C11orf71: variants seen among roughly 807,000 people sequenced by gnomAD.
C11orf71 encodes uncharacterized protein C11orf71.
For missense variants in C11orf71, 179 were observed against 167.6 expected (o/e 1.07, Z -0.38); for synonymous variants, 72 against 73.4 (o/e 0.98, Z 0.09).
chr11:114,399,868 A>T lies in C11orf71; in HGVS notation c.*92T>A, dbSNP rs2135344882. 1 of 1,444,358 alleles carries T rather than the reference A, an allele frequency of 6.9e-7. No individual in the cohort carries two copies. Among genetic ancestry groups the T allele is most frequent in the African/African-American group, 1.4e-5 (1 of 70,310 alleles). The allele number at this position is 1,444,358 out of a possible 1,614,324, so 89.5% of individuals were successfully genotyped here. A position where few individuals can be genotyped will look rare whatever the true frequency, so the allele number is the denominator to read the frequency against. Reference sequence around the variant, plus strand: ...TATTAAATGAAAATACATCCATCTAAAAATAAAACAACACGATTGCTGCTA... The same window carrying T: ...TATTAAATGAAAATACATCCATCTATAAATAAAACAACACGATTGCTGCTA... On this transcript the variant is annotated 3_prime_UTR_variant, in exon 1 of 1. Coordinates refer to ENST00000623205, the MANE Select transcript of C11orf71 (RefSeq NM_001271562.2).
At position 114,400,035 on chromosome 11, in the gene C11orf71, G is replaced by T. The variant is rs1368565284; in HGVS notation, c.297C>A (p.Pro99=). The change falls in exon 1 of 1, where the codon CCC becomes CCA. Residue 99 remains proline, a synonymous_variant. Coordinates refer to ENST00000623205, the MANE Select transcript of C11orf71 (RefSeq NM_001271562.2). Reference sequence around the variant, plus strand: ...GTTGCAGCACACTTCTTAGGAGATCGGGTTCAACGGCAGGGATTGGGTAAG... The same window carrying T: ...GTTGCAGCACACTTCTTAGGAGATCTGGTTCAACGGCAGGGATTGGGTAAG... ...FSPYPIPAVE[P]DLLRSVLQQR... 3 of 1,614,028 alleles carry T rather than the reference G, an allele frequency of 1.9e-6. No individual in the cohort carries two copies. Among genetic ancestry groups the T allele is most frequent in the Non-Finnish European group, 2.5e-6 (3 of 1,179,892 alleles).
chr11:114,391,908 C>T (rs895617164), intron 1 of C11orf71, among the ~76,000 whole-genome samples: 3 of 147,592 alleles, frequency 2.0e-5, no homozygotes, highest in Non-Finnish European at 3.0e-5. Flanking sequence ...GTAGTTAAAG[C>T]TGTTTTTTTT....
At chr11:114,392,075 A>G (rs1241203884) in intron 1 of C11orf71, among the ~76,000 whole-genome samples, 1 of 152,124 alleles carries the variant, frequency 6.6e-6, no homozygotes, top group African/African-American at 2.4e-5. Context: ...GTATACAGGT[A>G]TTGGTTGCAT....
At chr11:114,394,197 T>C (rs1946098137), downstream of C11orf71, among the ~76,000 whole-genome samples, 1 of 42,436 alleles carries the variant, frequency 2.4e-5, no homozygotes, top group Non-Finnish European at 4.3e-5. Context: ...TCTTTTCTTT[T>C]CTTTTCTTTT....
rs779823587 is a variant in C11orf71 at position 114,400,156 on chromosome 11, G to T, written c.176C>A (p.Pro59Gln). The T allele has an allele frequency of 4.3e-6, 7 of 1,613,744 alleles. No homozygotes were observed. The South Asian group carries it at 5.5e-5, about 13-fold the overall frequency. Residue 59 changes from proline (P) to glutamine (Q), a missense_variant, in exon 1 of 1, where the codon CCA (proline) becomes CAA (glutamine). By Grantham distance (76) the Pro-to-Gln change is moderately conservative (BLOSUM62 -1). Transcript: ENST00000623205. ...TCGACGGCTCTCGGCCCGAACGCTTGGTCGCACCGCCTGCCGAGGTCCTAG... is the reference window on the plus strand; with the variant it reads ...TCGACGGCTCTCGGCCCGAACGCTTTGTCGCACCGCCTGCCGAGGTCCTAG... ...IHLGPRQAVR[P>Q]SVRAESRRVD... is the part of the protein sequence containing the mutation.
intron 1 of C11orf71, among the ~76,000 whole-genome samples, chr11:114,392,547 A>AAAAAG (rs1555023952): frequency 3.5e-4 from 51 of 145,182 alleles, no homozygotes; most frequent in Non-Finnish European, 4.7e-4. Context: ...AAAAAAAAAA[A>AAAAAG]AAAGAAGAAG....
exon 2 of C11orf71, chr11:114,391,604 T>C: frequency 1.3e-6 from 2 of 1,540,046 alleles, no homozygotes; most frequent in East Asian, 2.5e-5. Flanking sequence ...AATGGCTGCA[T>C]GTTGAACACC....
intron 1 of C11orf71, among the ~76,000 whole-genome samples, chr11:114,393,198 A>C (rs1946086252): frequency 6.6e-6 from 1 of 152,240 alleles, no homozygotes; most frequent in Non-Finnish European, 1.5e-5. Flanking sequence ...TTTGAACACC[A>C]GCATCTCAAG....
chr11:114,400,122 A>ACCAT lies in C11orf71; in HGVS notation c.206_209dup (p.Gly71TrpfsTer29), dbSNP rs747697120. On this transcript the variant is annotated frameshift_variant, in exon 1 of 1. Transcript: ENST00000623205. LOFTEE classifies it low-confidence loss of function (END_TRUNC). ...CTGGTTCCCTTGGGCTCCGGCCGCC[A>ACCAT]CCATCCACTCGACGGCTCTCGGCCC... is the stretch of plus-strand genomic sequence containing the variant. 1.1e-5 allele frequency: 17 copies of ACCAT among 1,609,020 alleles called. No individual in the cohort carries two copies. The highest frequency in any genetic ancestry group is 1.3e-5 in the Non-Finnish European group (15 of 1,178,510).
intron 1 of C11orf71, among the ~76,000 whole-genome samples, chr11:114,392,440 A>G (rs1794440784): frequency 7.1e-6 from 1 of 141,774 alleles, no homozygotes; most frequent in African/African-American, 2.6e-5. Context: ...GAGGAGGCTG[A>G]GGCAGGAGAA....
chr11:114,396,588 AAAGAT>A (rs2135341858), downstream of C11orf71, among the ~76,000 whole-genome samples: 1 of 152,348 alleles, frequency 6.6e-6, no homozygotes, highest in East Asian at 1.9e-4. Flanking sequence ...GTGATTACAA[AAAGAT>A]AACATAAATA....
chr11:114,394,924 C>A (rs1210769263), downstream of C11orf71, among the ~76,000 whole-genome samples: 2 of 150,336 alleles, frequency 1.3e-5, no homozygotes, highest in African/African-American at 4.9e-5. Flanking sequence ...TACCTTGTTA[C>A]TCTTATTTGC....
chr11:114,399,550 G>C lies in C11orf71; in HGVS notation c.*410C>G, dbSNP rs1946161421. The C allele has an allele frequency of 6.1e-6, 1 of 164,982 alleles. No individual in the cohort carries two copies. Among genetic ancestry groups the C allele is most frequent in the African/African-American group, 2.4e-5 (1 of 41,746 alleles). The allele number at this position is 164,982 out of a possible 1,614,324, so 10.2% of individuals were successfully genotyped here. A position where few individuals can be genotyped will look rare whatever the true frequency, so the allele number is the denominator to read the frequency against. On this transcript the variant is annotated 3_prime_UTR_variant, in exon 1 of 1. Transcript: ENST00000623205. ...GTAGACATATCTGAAAAAAGTGAAG[G>C]GGGAGATGGAAGATGGTAAATGCCA... is the stretch of plus-strand genomic sequence containing the variant.
At chr11:114,396,899 C>T (rs1011952729), downstream of C11orf71, among the ~76,000 whole-genome samples, 2 of 152,236 alleles carry the variant, frequency 1.3e-5, no homozygotes, top group African/African-American at 4.8e-5. Flanking sequence ...CCTTCCAAGT[C>T]AGCCCTCTTA....
In C11orf71 at chr11:114,399,138, A is replaced by C. The variant is rs1212795907; in HGVS notation, c.*822T>G. 2 of 151,808 alleles carry C rather than the reference A, an allele frequency of 1.3e-5. No individual in the cohort carries two copies. The highest frequency in any genetic ancestry group is 2.9e-5 in the Non-Finnish European group (2 of 68,004). The allele number at this position is 151,808 out of a possible 1,614,324, so 9.4% of individuals were successfully genotyped here. A position where few individuals can be genotyped will look rare whatever the true frequency, so the allele number is the denominator to read the frequency against. ...CAGCCCAGCGTGGTGATTCCTATTC[A>C]CTTAGTAGCCTCCCCATCTAGAATA... is the stretch of plus-strand genomic sequence containing the variant. On this transcript the variant is annotated 3_prime_UTR_variant, in exon 1 of 1. Transcript: ENST00000623205.
rs1351346908 is a variant in C11orf71, at chr11:114,399,053, A to G, written c.*907T>C. On this transcript the variant is annotated 3_prime_UTR_variant, in exon 1 of 1. Transcript: ENST00000623205. ...ACCAGGATAGTGCAGTATTATGATG[A>G]AAAAAAAAAAAAAAAAGTCACTGCA... 1.2e-4 allele frequency: 4 copies of G among 34,074 alleles called. No individual in the cohort carries two copies. Among genetic ancestry groups the G allele is most frequent in the Non-Finnish European group, 2.3e-4 (4 of 17,080 alleles). The allele number at this position is 34,074 out of a possible 1,614,324, so 2.1% of individuals were successfully genotyped here. A position where few individuals can be genotyped will look rare whatever the true frequency, so the allele number is the denominator to read the frequency against.
In C11orf71 at chr11:114,399,668, CGAATGGATTGTT is replaced by C; in HGVS notation, c.*280_*291del. 2.9e-6 allele frequency: 1 copy of C among 349,844 alleles called. No individual in the cohort carries two copies. Among genetic ancestry groups the C allele is most frequent in the Admixed American group, 4.3e-5 (1 of 23,194 alleles). The allele number at this position is 349,844 out of a possible 1,614,324, so 21.7% of individuals were successfully genotyped here. On this transcript the variant is annotated 3_prime_UTR_variant, in exon 1 of 1. Transcript: ENST00000623205. ...GGTAAAGGTTAAGTGTCTGAGTTAACGAATGGATTGTTGACCTCTGGGGAGGGTGCTCCCATC... is the reference window on the plus strand; with the variant it reads ...GGTAAAGGTTAAGTGTCTGAGTTAACGACCTCTGGGGAGGGTGCTCCCATC...
rs1946145166 is a variant in C11orf71 at position 114,398,576 on chromosome 11, G to A, written c.*1384C>T. The A allele has an allele frequency of 6.6e-6, 1 of 152,198 alleles. No homozygotes were observed. The highest frequency in any genetic ancestry group is 2.4e-5 in the African/African-American group (1 of 41,450). 9.4% of individuals were successfully genotyped at this position (152,198 alleles called of 1,614,324 possible). A position where few individuals can be genotyped will look rare whatever the true frequency, so the allele number is the denominator to read the frequency against. On this transcript the variant is annotated 3_prime_UTR_variant, in exon 1 of 1. Transcript: ENST00000623205. ...TTATTCTAAGTGCTTACCGCAGGCA[G>A]TAGCAGGTACAGAGTAAGTTCTCAA...
chr11:114,394,125 G>A (rs113620548), downstream of C11orf71, among the ~76,000 whole-genome samples: 382 of 148,598 alleles, frequency 2.6e-3, 1 homozygote, highest in African/African-American at 9.0e-3. Context: ...GACTACAGGC[G>A]CCCATCACCA....
Sources: gnomAD v4.1 joint callset for allele counts (sites outside exome capture counted in the v4.1 genomes callset) on GRCh38, gnomAD v4.1.1 for gene constraint, MANE v1.5 for transcripts, NCBI Gene and HGNC (gene_info 2026-07-23, HGNC 2026-07-21) for gene names.